The following TAFA2 variants were observed in gnomAD, a reference collection of about 807,000 sequenced individuals.
TAFA2 encodes the protein chemokine-like protein TAFA-2.
In TAFA2, 7 loss-of-function variants were observed where a neutral mutation model predicts 18.8. That is an observed-to-expected ratio of 0.37 (90% CI 0.21 to 0.70). The LOEUF (loss-of-function observed/expected upper bound fraction) is 0.70. Among genes scored for constraint, TAFA2 ranks in the 30% least tolerant of loss-of-function variants. TAFA2 has a pLI of 0.53. For synonymous variants in TAFA2, 60 were observed against 54.2 expected, an observed-to-expected ratio of 1.11 and a Z score of -0.47; for missense variants, 122 against 158.1, an observed-to-expected ratio of 0.77 and a Z score of 1.23.
intron 1 of TAFA2, among the ~76,000 whole-genome samples, chr12:61,873,028 T>C (rs1417134256): frequency 6.6e-6 from 1 of 152,222 alleles, no homozygotes; most frequent in Non-Finnish European, 1.5e-5. Context: ...TGTAAGTCAC[T>C]GCTCTAGCAC....
intron 1 of TAFA2, among the ~76,000 whole-genome samples, chr12:61,966,027 G>C (rs1879054423): frequency 6.6e-6 from 1 of 151,782 alleles, no homozygotes; most frequent in South Asian, 2.1e-4. Flanking sequence ...CTGTGAACGT[G>C]GGGGTATAAT....
chr12:61,958,359 T>A (rs1368103410), intron 1 of TAFA2, among the ~76,000 whole-genome samples: 1 of 152,056 alleles, frequency 6.6e-6, no homozygotes, highest in Non-Finnish European at 1.5e-5. Flanking sequence ...CGTATATGCT[T>A]TTTTTATTCT....
intron 1 of TAFA2, among the ~76,000 whole-genome samples, chr12:61,955,579 C>T (rs533539891): frequency 4.0e-4 from 45 of 111,358 alleles, no homozygotes; most frequent in South Asian, 3.4e-3. Flanking sequence ...TCCAGCCTGG[C>T]GACACAGCAA....
intron 1 of TAFA2, among the ~76,000 whole-genome samples, chr12:62,149,553 GAATA>G (rs147980074): frequency 0.13 from 19,763 of 147,914 alleles, 1,441 homozygotes; most frequent in South Asian, 0.15. Context: ...TCCTTAAATA[GAATA>G]TATATATTCT....
At chr12:62,183,927 C>T (rs1288752601) in intron 1 of TAFA2, among the ~76,000 whole-genome samples, 1 of 152,004 alleles carries the variant, frequency 6.6e-6, no homozygotes, top group African/African-American at 2.4e-5. Context: ...GACATGTAAC[C>T]CTAAAAAACC....
At chr12:61,929,017 G>A (rs951466007) in intron 1 of TAFA2, among the ~76,000 whole-genome samples, 1 of 152,120 alleles carries the variant, frequency 6.6e-6, no homozygotes, top group Admixed American at 6.6e-5. Flanking sequence ...GGGGGGTGAG[G>A]AACAAGGGAA....
At chr12:61,843,881 G>T (rs1297091789) in intron 2 of TAFA2, among the ~76,000 whole-genome samples, 2 of 152,152 alleles carry the variant, frequency 1.3e-5, no homozygotes, top group African/African-American at 4.8e-5. Flanking sequence ...TTGTAAAGGG[G>T]AGTCATGCAT....
chr12:62,111,783 T>A (rs937824519), intron 1 of TAFA2, among the ~76,000 whole-genome samples: 11 of 152,220 alleles, frequency 7.2e-5, no homozygotes, highest in Admixed American at 5.2e-4. Flanking sequence ...TTAAAGTCTG[T>A]TTTATCAGAG....
At chr12:61,868,364 A>G (rs1195160212) in intron 1 of TAFA2, among the ~76,000 whole-genome samples, 1 of 152,158 alleles carries the variant, frequency 6.6e-6, no homozygotes, top group Non-Finnish European at 1.5e-5. Flanking sequence ...AGCAAAACTG[A>G]TATGAAATCA....
intron 1 of TAFA2, among the ~76,000 whole-genome samples, chr12:62,118,396 G>A (rs1394520768): frequency 6.6e-6 from 1 of 152,006 alleles, no homozygotes; most frequent in Non-Finnish European, 1.5e-5. Flanking sequence ...TATTTAGATT[G>A]TTTCCAGGCT....
chr12:61,881,543 G>A (rs1209824726), intron 1 of TAFA2, among the ~76,000 whole-genome samples: 1 of 152,130 alleles, frequency 6.6e-6, no homozygotes, highest in African/African-American at 2.4e-5. Flanking sequence ...GCCTATGACT[G>A]TACAGAAAAA....
intron 1 of TAFA2, among the ~76,000 whole-genome samples, chr12:62,185,857 C>G (rs2062582483): frequency 1.3e-5 from 2 of 152,176 alleles, no homozygotes; most frequent in South Asian, 4.1e-4. Context: ...TTAATAAAGT[C>G]TCTTTGTTCT....
rs1565705320 is a variant in TAFA2 at position 61,983,886 on chromosome 12, A to ACACC, written c.-1-116464_-1-116461dup. ...TTATTATAATTACTGTTCTGTGACT[A>ACACC]CACCAAGCATCCCAGAGTCTCCTGC... On this transcript the variant is annotated intron_variant, in intron 1 of 4. Coordinates refer to ENST00000416284, the MANE Select transcript of TAFA2 (RefSeq NM_178539.5). Among the ~76,000 whole-genome samples, 6 of 152,280 alleles carry ACACC rather than the reference A, an allele frequency of 3.9e-5. No individual in the cohort carries two copies. The South Asian group carries it at 1.2e-3, about 32-fold the overall frequency.
chr12:62,109,324 G>C (rs1371282403), intron 1 of TAFA2, among the ~76,000 whole-genome samples: 1 of 152,088 alleles, frequency 6.6e-6, no homozygotes, highest in Non-Finnish European at 1.5e-5. Context: ...CCTCTGTTCT[G>C]TTCCATTGGT....
At chr12:61,938,468 G>A (rs935817136) in intron 1 of TAFA2, among the ~76,000 whole-genome samples, 2 of 152,092 alleles carry the variant, frequency 1.3e-5, no homozygotes, top group African/African-American at 2.4e-5. Flanking sequence ...GAGCCTACTT[G>A]AGGGTGGAGA....
intron 1 of TAFA2, among the ~76,000 whole-genome samples, chr12:62,165,023 A>G (rs1368595920): frequency 6.6e-6 from 1 of 152,086 alleles, no homozygotes; most frequent in African/African-American, 2.4e-5. Context: ...AAGTTCCTTA[A>G]CTAGTCTAAT....
intron 1 of TAFA2, among the ~76,000 whole-genome samples, chr12:61,962,993 G>A (rs570432335): frequency 7.2e-5 from 11 of 152,024 alleles, no homozygotes; most frequent in East Asian, 1.9e-4. Context: ...TTCTGTTCCC[G>A]TCTTAGTTTG....
chr12:62,068,197 A>C (rs1882541218), intron 1 of TAFA2, among the ~76,000 whole-genome samples: 1 of 152,108 alleles, frequency 6.6e-6, no homozygotes, highest in Admixed American at 6.6e-5. Flanking sequence ...CTATTTTTTA[A>C]ATACAGGAAA....
intron 1 of TAFA2, among the ~76,000 whole-genome samples, chr12:61,997,883 A>G: frequency 6.6e-6 from 1 of 152,218 alleles, no homozygotes; most frequent in East Asian, 1.9e-4. Context: ...TTTTAAAATA[A>G]CAAAGTATAA....
Sources: allele counts gnomAD v4.1 joint callset (sites outside exome capture counted in the v4.1 genomes callset), GRCh38; gene constraint gnomAD v4.1.1; transcripts MANE v1.5; gene names NCBI Gene and HGNC (gene_info 2026-07-23, HGNC 2026-07-21).